Variants in BABAM2 observed in about 807,000 individuals in gnomAD.
BABAM2 encodes the protein BRISC and BRCA1-A complex member 2.
Under a neutral mutation model 54.7 loss-of-function variants are expected in BABAM2, and 31 were observed. The observed-to-expected ratio is 0.57, with a 90% CI of 0.43 to 0.77. BABAM2 has a LOEUF of 0.77. Ranked by LOEUF, BABAM2 falls within the 30% of genes least tolerant of loss-of-function variation. The pLI, the probability that BABAM2 is intolerant of heterozygous loss-of-function variation, is 0.00. For synonymous variants in BABAM2, 167 were observed against 162.9 expected (o/e 1.03, Z -0.19); for missense variants, 364 against 455.8 (o/e 0.80, Z 1.83).
intron 6 of BABAM2, among the ~76,000 whole-genome samples, chr2:28,083,230 G>A (rs1017719759): frequency 6.6e-6 from 1 of 152,102 alleles, no homozygotes; most frequent in African/African-American, 2.4e-5. Context: ...CACATCTGTG[G>A]AGCTAGATCT....
intron 6 of BABAM2, among the ~76,000 whole-genome samples, chr2:28,104,588 G>T (rs1191900317): frequency 6.6e-6 from 1 of 152,156 alleles, no homozygotes; most frequent in Non-Finnish European, 1.5e-5. Context: ...TACACTGTTG[G>T]TGGGACTGTA....
intron 3 of BABAM2, among the ~76,000 whole-genome samples, chr2:27,976,089 G>A (rs1671581829): frequency 1.3e-5 from 2 of 152,084 alleles, no homozygotes; most frequent in Admixed American, 6.5e-5. Context: ...GTAGAAACTG[G>A]AACTCTCATG....
chr2:28,178,605 A>C (rs1214691338), intron 7 of BABAM2, among the ~76,000 whole-genome samples: 1 of 152,076 alleles, frequency 6.6e-6, no homozygotes, highest in East Asian at 1.9e-4. Context: ...GAAAAGCAAG[A>C]ACAAACCAAA....
chr2:27,970,254 G>T (rs1671109131), intron 3 of BABAM2, among the ~76,000 whole-genome samples: 1 of 152,008 alleles, frequency 6.6e-6, no homozygotes, highest in Admixed American at 6.6e-5. Flanking sequence ...AATTTGCATG[G>T]TGTGTTATTT....
intron 6 of BABAM2, among the ~76,000 whole-genome samples, chr2:28,057,289 C>A (rs1678505374): frequency 6.6e-6 from 1 of 152,210 alleles, no homozygotes; most frequent in Admixed American, 6.5e-5. Context: ...CCTTGTCTTA[C>A]TAATCCAGCT....
chr2:28,240,877 A>G (rs1034890170), intron 8 of BABAM2, among the ~76,000 whole-genome samples: 2 of 151,748 alleles, frequency 1.3e-5, no homozygotes, highest in Non-Finnish European at 2.9e-5. Context: ...TCTCAAAAAA[A>G]AAAAAAAACA....
chr2:28,229,218 T>C (rs1332044474), intron 7 of BABAM2, among the ~76,000 whole-genome samples: 1 of 152,172 alleles, frequency 6.6e-6, no homozygotes, highest in East Asian at 1.9e-4. Context: ...ACCAGAGACC[T>C]AAGAGTGGGG....
intron 6 of BABAM2, among the ~76,000 whole-genome samples, chr2:28,071,224 T>C (rs1664110562): frequency 6.6e-6 from 1 of 152,168 alleles, no homozygotes; most frequent in Admixed American, 6.5e-5. Flanking sequence ...CCCATTGTTT[T>C]AAATTCGATG....
At chr2:28,234,332 G>A (rs1444311054) in intron 7 of BABAM2, among the ~76,000 whole-genome samples, 1 of 152,018 alleles carries the variant, frequency 6.6e-6, no homozygotes, top group African/African-American at 2.4e-5. Context: ...CGGAAACATG[G>A]GCCTGGCAGC....
chr2:28,304,568 C>T lies in BABAM2; in HGVS notation c.1088+6077C>T, dbSNP rs1453579008. ...TCTAATAGATTTTTTAAATAGATTT[C>T]TTATAATTTCTTTTTTCTTTTTTTT... On this transcript the variant is annotated intron_variant, in intron 11 of 11. Coordinates refer to ENST00000379624, the MANE Select transcript of BABAM2 (RefSeq NM_199191.3). The surrounding 1 kb of genome is among the most constrained non-coding windows in gnomAD (Gnocchi z 4.0). Among the ~76,000 whole-genome samples the T allele has an allele frequency of 4.0e-5, 6 of 151,508 alleles. No homozygotes were observed. Among genetic ancestry groups the T allele is most frequent in the Non-Finnish European group, 8.8e-5 (6 of 67,898 alleles).
chr2:28,022,454 G>C (rs1247048982), intron 4 of BABAM2, among the ~76,000 whole-genome samples: 4 of 152,158 alleles, frequency 2.6e-5, no homozygotes, highest in Admixed American at 2.6e-4. Context: ...TCCCTGAACT[G>C]TTTCATAGGT....
At chr2:27,904,704 T>C (rs548681685) in intron 2 of BABAM2, among the ~76,000 whole-genome samples, 12 of 152,322 alleles carry the variant, frequency 7.9e-5, no homozygotes, top group South Asian at 2.1e-4. Flanking sequence ...GAGAAAATAC[T>C]GCATTCATGA....
chr2:28,259,974 C>G (rs976148471), intron 10 of BABAM2, among the ~76,000 whole-genome samples: 5 of 151,460 alleles, frequency 3.3e-5, no homozygotes, highest in African/African-American at 1.2e-4. Flanking sequence ...GATCTCGGCT[C>G]ACTGCAACCT....
intron 7 of BABAM2, among the ~76,000 whole-genome samples, chr2:28,232,831 A>G (rs999414645): frequency 2.0e-5 from 3 of 152,210 alleles, no homozygotes; most frequent in Admixed American, 6.5e-5. Flanking sequence ...GAAGTTCACA[A>G]AGGGCTCTAT....
intron 5 of BABAM2, among the ~76,000 whole-genome samples, chr2:28,037,249 G>C (rs1042188593): frequency 2.6e-5 from 4 of 152,048 alleles, no homozygotes; most frequent in African/African-American, 9.7e-5. Context: ...GATTTTCAGA[G>C]TTAGTTTGTA....
At chr2:28,005,633 A>C (rs1325892561) in intron 4 of BABAM2, among the ~76,000 whole-genome samples, 1 of 152,182 alleles carries the variant, frequency 6.6e-6, no homozygotes, top group African/African-American at 2.4e-5. Flanking sequence ...CATGGCTATA[A>C]ATTTGTAAGT....
At chr2:28,299,161 C>T (rs1043098264) in intron 11 of BABAM2, among the ~76,000 whole-genome samples, 1 of 152,122 alleles carries the variant, frequency 6.6e-6, no homozygotes, top group Admixed American at 6.5e-5. Context: ...GTCAAATAAA[C>T]AGCTACACAA....
intron 11 of BABAM2, chr2:28,309,959 T>C: frequency 1.8e-6 from 2 of 1,086,334 alleles, no homozygotes; most frequent in African/African-American, 3.1e-5. Flanking sequence ...GGCCTTTTCC[T>C]TATGGGGTTT....
chr2:27,998,224 C>T (rs771136489), intron 4 of BABAM2, among the ~76,000 whole-genome samples: 3 of 152,026 alleles, frequency 2.0e-5, no homozygotes, highest in African/African-American at 7.2e-5. Context: ...TTTGGTTGGT[C>T]GTCTCTCGTC....
Sources: gnomAD v4.1 joint callset for allele counts (sites outside exome capture counted in the v4.1 genomes callset) on GRCh38, gnomAD v4.1.1 for gene constraint, Gnocchi (gnomAD v3.1) non-coding constraint, MANE v1.5 for transcripts, NCBI Gene and HGNC (gene_info 2026-07-23, HGNC 2026-07-21) for gene names.